The following SKI variants were observed in gnomAD, a reference collection of about 807,000 sequenced individuals.
SKI encodes the protein ski oncogene.
In SKI, 23 loss-of-function variants were observed where a neutral mutation model predicts 59.3. The observed-to-expected ratio is 0.39, with a 90% CI of 0.28 to 0.55. The LOEUF is 0.55. Among genes scored for constraint, SKI ranks in the 20% least tolerant of loss-of-function variants. The pLI is 0.67. For missense variants in SKI, 1,017 were observed against 1,038.9 expected, an observed-to-expected ratio of 0.98 and a Z score of 0.29; for synonymous variants, 673 against 488.6, an observed-to-expected ratio of 1.38 and a Z score of -4.98.
intron 1 of SKI, among the ~76,000 whole-genome samples, chr1:2,302,185 G>T (rs1479277849): frequency 2.0e-5 from 3 of 152,254 alleles, no homozygotes; most frequent in Admixed American, 6.5e-5. Flanking sequence ...TTCTGAGTGG[G>T]CTGGGTCCAG....
At chr1:2,283,317 GGT>G (rs1291582504) in intron 1 of SKI, among the ~76,000 whole-genome samples, 2 of 152,188 alleles carry the variant, frequency 1.3e-5, no homozygotes, top group African/African-American at 4.8e-5. Flanking sequence ...GGCCTGTCCA[GGT>G]CCTTTGACAG....
intron 1 of SKI, among the ~76,000 whole-genome samples, chr1:2,295,325 A>T (rs1231122825): frequency 6.6e-6 from 1 of 152,192 alleles, no homozygotes. Flanking sequence ...AGTGAAAACC[A>T]TTCACCTTGA....
chr1:2,282,466 T>TGGTGGAGATCTTCAGAGAGAGGACGCCC (rs1639913313), intron 1 of SKI, among the ~76,000 whole-genome samples: 1 of 42,612 alleles, frequency 2.3e-5, no homozygotes, highest in Non-Finnish European at 5.0e-5. Context: ...AGAGGACGCC[T>TGGTGGAGATCTTCAGAGAGAGGACGCCC]GAGAAGACAG....
At chr1:2,243,324 C>T (rs1638920654) in intron 1 of SKI, among the ~76,000 whole-genome samples, 1 of 152,270 alleles carries the variant, frequency 6.6e-6, no homozygotes, top group Admixed American at 6.5e-5. Context: ...CTGCTTCATC[C>T]CCGCCCTGCC....
rs979724529 is a variant in SKI at position 2,268,188 on chromosome 1, C to T, written c.970-34790C>T. ...GCTCTGTGGGTGGGTGGCTGTGCTG[C>T]CGCTGCTGTCGCCCATCCTTGGGGG... is the stretch of plus-strand genomic sequence containing the variant. On this transcript the variant is annotated intron_variant, in intron 1 of 6. Transcript: ENST00000378536. This position sits in a 1 kb window ranked among gnomAD's most constrained non-coding sequence, Gnocchi z 5.0. Among the ~76,000 whole-genome samples, 66 of 152,342 alleles carry T rather than the reference C, an allele frequency of 4.3e-4. No individual in the cohort carries two copies. Among genetic ancestry groups the T allele is most frequent in the African/African-American group, 1.5e-3 (62 of 41,580 alleles).
At chr1:2,299,366 C>T (rs980965336) in intron 1 of SKI, among the ~76,000 whole-genome samples, 3 of 152,180 alleles carry the variant, frequency 2.0e-5, no homozygotes, top group African/African-American at 7.2e-5. Flanking sequence ...CAGCTGACGA[C>T]CCGGGCTCTC....
At position 2,303,196 on chromosome 1, in the gene SKI, A is replaced by G; in HGVS notation, c.1096-89A>G. ...CGGCTGGCAGCTCCACCTGCCCGCT[A>G]CTGAGGGCTGGCACCCGGCGCAGCC... is the stretch of plus-strand genomic sequence containing the variant. On this transcript the variant is annotated intron_variant, in intron 2 of 6. Coordinates refer to ENST00000378536, the MANE Select transcript of SKI (RefSeq NM_003036.4). This position sits in a 1 kb window ranked among gnomAD's most constrained non-coding sequence, Gnocchi z 5.6. The G allele has an allele frequency of 6.3e-7, 1 of 1,596,702 alleles. No homozygotes were observed. Among genetic ancestry groups the G allele is most frequent in the Non-Finnish European group, 8.6e-7 (1 of 1,166,498 alleles).
At chr1:2,299,755 G>A (rs767545423) in intron 1 of SKI, among the ~76,000 whole-genome samples, 40 of 152,326 alleles carry the variant, frequency 2.6e-4, no homozygotes, top group South Asian at 6.2e-4. Context: ...CTGAGCATCT[G>A]CACGTGTCAG....
intron 1 of SKI, among the ~76,000 whole-genome samples, chr1:2,265,576 T>C (rs568805733): frequency 6.6e-6 from 1 of 152,352 alleles, no homozygotes; most frequent in Middle Eastern, 3.4e-3. Flanking sequence ...TTGTTTGCGA[T>C]GGATGGATGA....
rs1266460001 is a variant in SKI, at chr1:2,304,101, A to T, written c.1473A>T (p.Glu491Asp). 1 of 1,612,322 alleles carries T rather than the reference A, an allele frequency of 6.2e-7. No homozygotes were observed. Reference protein sequence around the residue: ...EAEVEVESREEFTSSLSSLSS... With the variant: ...EAEVEVESREDFTSSLSSLSS... ...AGGTGGAAGTTGAAAGCAGGGAGGA[A>T]TGTACGTGTGAGTCGCTTTCTGTGC... The change falls in exon 4 of 7, where the codon GAA becomes GAT. Residue 491 changes from glutamate (E) to aspartate (D), a missense_variant and splice_region_variant. By Grantham distance (45) the Glu-to-Asp change is conservative. Transcript: ENST00000378536.
chr1:2,268,139 C>A lies in SKI; in HGVS notation c.970-34839C>A, dbSNP rs1018705577. ...GCCCGCAGCCCTGGCCCAGGTGCCCCCTGGGTTGTGCGGCGGGGCCCTGGC... is the reference window on the plus strand; with the variant it reads ...GCCCGCAGCCCTGGCCCAGGTGCCCACTGGGTTGTGCGGCGGGGCCCTGGC... On this transcript the variant is annotated intron_variant, in intron 1 of 6. Transcript: ENST00000378536. This position sits in a 1 kb window ranked among gnomAD's most constrained non-coding sequence, Gnocchi z 5.0. Among the ~76,000 whole-genome samples the A allele has an allele frequency of 6.6e-6, 1 of 152,158 alleles. No individual in the cohort carries two copies. Among genetic ancestry groups the A allele is most frequent in the Non-Finnish European group, 1.5e-5 (1 of 68,006 alleles).
chr1:2,263,211 T>C lies in SKI; in HGVS notation c.969+33476T>C, dbSNP rs189516846. Among the ~76,000 whole-genome samples, 20 of 149,772 alleles carry C rather than the reference T, an allele frequency of 1.3e-4. No individual in the cohort carries two copies. The East Asian group carries it at 3.6e-3, about 27-fold the overall frequency. On this transcript the variant is annotated intron_variant, in intron 1 of 6. Coordinates refer to ENST00000378536, the MANE Select transcript of SKI (RefSeq NM_003036.4). ...CCACTGTGTTTGGCCTCTTGAGTTT[T>C]ATTTGCTAAAATTTTGCTTAGAATT...
At chr1:2,287,665 A>G (rs551561036) in intron 1 of SKI, among the ~76,000 whole-genome samples, 9 of 151,622 alleles carry the variant, frequency 5.9e-5, no homozygotes, top group African/African-American at 1.9e-4. Context: ...GGTCTGCCGC[A>G]GGGGGGGTGT....
At chr1:2,301,573 T>C (rs1640426500) in intron 1 of SKI, among the ~76,000 whole-genome samples, 1 of 150,712 alleles carries the variant, frequency 6.6e-6, no homozygotes, top group African/African-American at 2.5e-5. Context: ...GGGCCCTCCA[T>C]CCCCATAATT....
intron 1 of SKI, among the ~76,000 whole-genome samples, chr1:2,272,634 A>G (rs1006158782): frequency 1.4e-4 from 22 of 152,254 alleles, no homozygotes; most frequent in South Asian, 2.1e-4. Context: ...TTGATTGCCA[A>G]GAACCCCTGA....
intron 1 of SKI, among the ~76,000 whole-genome samples, chr1:2,300,344 C>T (rs1050382677): frequency 1.3e-5 from 2 of 152,154 alleles, no homozygotes; most frequent in East Asian, 1.9e-4. Context: ...GGTCCAGAGC[C>T]GTGCTCCTGC....
At chr1:2,237,727 T>C (rs1444331559) in intron 1 of SKI, among the ~76,000 whole-genome samples, 1 of 152,394 alleles carries the variant, frequency 6.6e-6, no homozygotes, top group East Asian at 1.9e-4. Context: ...GTTTCTTTTT[T>C]TGGAAATAAG....
chr1:2,308,303 T>C lies in SKI; in HGVS notation c.*1538T>C, dbSNP rs1313145300. ...GCAAAGACCAGAGACTGCTGAGCCC[T>C]CGCATCTGGGTGGCGGAATTGCCTG... On this transcript the variant is annotated 3_prime_UTR_variant, in exon 7 of 7. Transcript: ENST00000378536. The C allele has an allele frequency of 6.6e-6, 1 of 152,176 alleles. No individual in the cohort carries two copies. The allele number at this position is 152,176 out of a possible 1,614,324, so 9.4% of individuals were successfully genotyped here.
At chr1:2,274,036 C>T (rs747456918) in intron 1 of SKI, among the ~76,000 whole-genome samples, 4 of 151,802 alleles carry the variant, frequency 2.6e-5, no homozygotes, top group East Asian at 1.9e-4. Context: ...GCAGGTCCTA[C>T]GGGCCGTGTC....
Sources: allele counts gnomAD v4.1 joint callset (sites outside exome capture counted in the v4.1 genomes callset), GRCh38; gene constraint gnomAD v4.1.1; non-coding constraint Gnocchi (gnomAD v3.1); transcripts MANE v1.5; gene names NCBI Gene and HGNC (gene_info 2026-07-23, HGNC 2026-07-21).